The following DLGAP2 variants were observed in gnomAD, a reference collection of about 807,000 sequenced individuals.
DLGAP2 encodes disks large-associated protein 2.
DLGAP2 carries 26 observed loss-of-function variants against 100.3 expected under a neutral mutation model. That is an observed-to-expected ratio of 0.26 (90% CI 0.19 to 0.36). The LOEUF is 0.36. DLGAP2 is among the 10% of genes least tolerant of loss of function. The pLI, the probability that DLGAP2 is intolerant of heterozygous loss-of-function variation, is 1.00. For missense variants in DLGAP2, 1,858 were observed against 1,453.2 expected (o/e 1.28, Z -4.53); for synonymous variants, 886 against 630.1 (o/e 1.41, Z -6.08).
intron 2 of DLGAP2, among the ~76,000 whole-genome samples, chr8:1,232,153 A>T (rs1336212040): frequency 6.6e-6 from 1 of 152,162 alleles, no homozygotes; most frequent in East Asian, 1.9e-4. Context: ...CCCCTTCACG[A>T]CTGGGTGGTG....
chr8:1,115,847 C>A (rs180754415), intron 2 of DLGAP2, among the ~76,000 whole-genome samples: 1 of 152,186 alleles, frequency 6.6e-6, no homozygotes, highest in East Asian at 1.9e-4. Flanking sequence ...TCTAGTCAGT[C>A]ATTTATCCCT....
At chr8:1,374,421 A>C (rs924049607) in intron 3 of DLGAP2, among the ~76,000 whole-genome samples, 1 of 152,160 alleles carries the variant, frequency 6.6e-6, no homozygotes, top group Admixed American at 6.5e-5. Flanking sequence ...TCTTGGACCA[A>C]AGCTGATTTT....
intron 3 of DLGAP2, among the ~76,000 whole-genome samples, chr8:1,392,742 A>G (rs1039273496): frequency 3.3e-4 from 50 of 152,122 alleles, no homozygotes; most frequent in African/African-American, 1.2e-3. Flanking sequence ...TTGCCAGGTG[A>G]TGGCACAGTA....
intron 2 of DLGAP2, among the ~76,000 whole-genome samples, chr8:1,190,872 G>T (rs1228537208): frequency 6.6e-6 from 1 of 152,160 alleles, no homozygotes; most frequent in East Asian, 1.9e-4. Flanking sequence ...CAAGCGTGGG[G>T]TCTGTGGCCG....
intron 3 of DLGAP2, among the ~76,000 whole-genome samples, chr8:1,434,372 A>T (rs1408603490): frequency 6.6e-6 from 1 of 151,356 alleles, no homozygotes; most frequent in Non-Finnish European, 1.5e-5. Context: ...GACAGCAAGC[A>T]CTCCACCTGC....
intron 2 of DLGAP2, among the ~76,000 whole-genome samples, chr8:985,992 G>A (rs1377291616): frequency 6.6e-6 from 1 of 152,168 alleles, no homozygotes; most frequent in Non-Finnish European, 1.5e-5. Flanking sequence ...AGTATGACTG[G>A]TTAGGAAGAA....
At chr8:954,127 A>G (rs183820094) in intron 2 of DLGAP2, among the ~76,000 whole-genome samples, 2 of 152,000 alleles carry the variant, frequency 1.3e-5, no homozygotes, top group East Asian at 3.9e-4. Flanking sequence ...GCTCCCAGGA[A>G]AAGGTTGTCC....
At chr8:1,440,214 G>T (rs900010552) in intron 3 of DLGAP2, among the ~76,000 whole-genome samples, 1 of 152,164 alleles carries the variant, frequency 6.6e-6, no homozygotes, top group Non-Finnish European at 1.5e-5. Flanking sequence ...AACAGACATA[G>T]CCCTAAATTG....
chr8:1,435,707 C>T (rs142192416), intron 3 of DLGAP2, among the ~76,000 whole-genome samples: 1 of 151,686 alleles, frequency 6.6e-6, no homozygotes, highest in African/African-American at 2.4e-5. Flanking sequence ...CGGAAGAAGG[C>T]ACTGTGGTCG....
chr8:1,516,555 GTGAA>G (rs1280106511), intron 4 of DLGAP2, among the ~76,000 whole-genome samples: 4 of 151,288 alleles, frequency 2.6e-5, no homozygotes, highest in Non-Finnish European at 4.4e-5. Context: ...GAATGAGTGA[GTGAA>G]TGAGGGAGGG....
chr8:1,428,380 A>G (rs990778142), intron 3 of DLGAP2, among the ~76,000 whole-genome samples: 8 of 152,204 alleles, frequency 5.3e-5, no homozygotes, highest in African/African-American at 1.9e-4. Context: ...CAGTAAATAA[A>G]TCCATAATTT....
Position 819,816 on chromosome 8 carries a change from G to A in DLGAP2, c.18+81991G>A, listed in dbSNP as rs150975521. 6.3e-4 allele frequency among the ~76,000 whole-genome samples: 96 copies of A among 152,344 alleles called. 1 individual carries two copies. Among genetic ancestry groups the A allele is most frequent in the African/African-American group, 1.6e-3 (67 of 41,570 alleles). ...GTACTTGGTGTGGAGTGGTGCTTGC[G>A]TGGCTGACTCGGCATGGAAATGTGG... On this transcript the variant is annotated intron_variant, in intron 1 of 14. Coordinates refer to ENST00000637795, the MANE Select transcript of DLGAP2 (RefSeq NM_001346810.2).
chr8:1,548,976 G>T lies in DLGAP2; in HGVS notation c.523G>T (p.Asp175Tyr). The T allele has an allele frequency of 6.3e-7, 1 of 1,599,172 alleles. No individual in the cohort carries two copies. Among genetic ancestry groups the T allele is most frequent in the Non-Finnish European group, 8.5e-7 (1 of 1,179,402 alleles). Reference protein sequence around the residue: ...HYSSHYDTRDDCAVAHAGAKI... With the variant: ...HYSSHYDTRDYCAVAHAGAKI... ...CAGCTCGCACTACGACACGCGCGAC[G>T]ACTGCGCTGTGGCCCACGCGGGCGC... is the stretch of plus-strand genomic sequence containing the variant. The change falls in exon 5 of 15, where the codon GAC becomes TAC. Residue 175 changes from aspartate (D) to tyrosine (Y), a missense_variant. Asp to Tyr is a radical substitution (Grantham distance 160). Coordinates refer to ENST00000637795, the MANE Select transcript of DLGAP2 (RefSeq NM_001346810.2).
At chr8:1,224,431 T>A (rs982704422) in intron 2 of DLGAP2, among the ~76,000 whole-genome samples, 2 of 152,228 alleles carry the variant, frequency 1.3e-5, no homozygotes, top group African/African-American at 2.4e-5. Context: ...CATATTTATG[T>A]ACAAGTTCAT....
At chr8:1,602,443 A>G (rs1189697717) in intron 6 of DLGAP2, among the ~76,000 whole-genome samples, 3 of 152,250 alleles carry the variant, frequency 2.0e-5, no homozygotes, top group African/African-American at 4.8e-5. Context: ...TGAAAGGCCT[A>G]TTCCACACAG....
chr8:1,616,989 G>A (rs536062137), intron 6 of DLGAP2, among the ~76,000 whole-genome samples: 1 of 152,234 alleles, frequency 6.6e-6, no homozygotes, highest in South Asian at 2.1e-4. Flanking sequence ...GCAGTATTTG[G>A]TTTTCTGTCC....
intron 3 of DLGAP2, among the ~76,000 whole-genome samples, chr8:1,316,554 C>CGT (rs1563078699): frequency 1.7e-4 from 22 of 128,130 alleles, no homozygotes; most frequent in South Asian, 7.9e-4. Context: ...AGAGGCTGTG[C>CGT]GAGTGCAGCG....
At chr8:1,240,264 C>T (rs75669442) in intron 2 of DLGAP2, among the ~76,000 whole-genome samples, 34,251 of 82,648 alleles carry the variant, frequency 0.41, 5,288 homozygotes, top group East Asian at 0.68. Flanking sequence ...TCTTACATGG[C>T]GCCGTGTCTA....
intron 3 of DLGAP2, among the ~76,000 whole-genome samples, chr8:1,289,417 A>G (rs13277401): frequency 0.8 from 121,110 of 152,166 alleles, 48,548 homozygotes; most frequent in African/African-American, 0.9. Context: ...AGTGGTTGCT[A>G]CACACATGCC....
Sources: allele counts gnomAD v4.1 joint callset (sites outside exome capture counted in the v4.1 genomes callset), GRCh38; gene constraint gnomAD v4.1.1; transcripts MANE v1.5; gene names NCBI Gene and HGNC (gene_info 2026-07-23, HGNC 2026-07-21).